The following TM4SF5 variants were observed in gnomAD, a reference collection of about 807,000 sequenced individuals.
The protein encoded by TM4SF5 is transmembrane 4 L six family member 5, also known as transmembrane 4 L6 family member 5.
In TM4SF5, 16 loss-of-function variants were observed where a neutral mutation model predicts 22.3. The ratio of observed to expected loss-of-function variants is 0.72; its 90% CI spans 0.49 to 1.09. TM4SF5 has a LOEUF of 1.09. TM4SF5 is among the 50% of genes least tolerant of loss of function. The pLI is 0.00. For missense variants in TM4SF5, 249 were observed against 266.1 expected (o/e 0.94, Z 0.45); for synonymous variants, 113 against 109.6 (o/e 1.03, Z -0.19).
chr17:4,776,418 C>G (rs139420494), intron 1 of TM4SF5, among the ~76,000 whole-genome samples: 1 of 152,268 alleles, frequency 6.6e-6, no homozygotes, highest in Non-Finnish European at 1.5e-5. Flanking sequence ...TCTCCTGCCT[C>G]AGCCTCCTGA....
intron 2 of TM4SF5, among the ~76,000 whole-genome samples, chr17:4,781,906 TG>T (rs1917316489): frequency 6.6e-6 from 1 of 150,924 alleles, no homozygotes; most frequent in South Asian, 2.1e-4. Context: ...TCACTGGGGT[TG>T]TAGTTCCCCC....
intron 1 of TM4SF5, among the ~76,000 whole-genome samples, chr17:4,778,200 CAGG>C (rs748047743): frequency 3.9e-5 from 6 of 152,118 alleles, no homozygotes; most frequent in Non-Finnish European, 7.3e-5. Flanking sequence ...TGCCATGAGA[CAGG>C]AAGAAGAGAG....
rs573968159 is a variant in TM4SF5 at position 4,782,143 on chromosome 17, C to T, written c.259-360C>T. ...ACGGGGTCTGGCTCTGTCGCCCAGG[C>T]TGGAGTGCAGTGGTGCGATCTCGGC... On this transcript the variant is annotated intron_variant, in intron 2 of 4. Coordinates refer to ENST00000270560, the MANE Select transcript of TM4SF5 (RefSeq NM_003963.3). 3.5e-3 allele frequency among the ~76,000 whole-genome samples: 519 copies of T among 150,328 alleles called. 1 individual carries two copies. Among genetic ancestry groups the T allele is most frequent in the Non-Finnish European group, 6.2e-3 (422 of 67,798 alleles).
At position 4,783,110 on chromosome 17, in the gene TM4SF5, G is replaced by A. The variant is rs778375611; in HGVS notation, c.580-4G>A. 59 of 1,614,016 alleles carry A rather than the reference G, an allele frequency of 3.7e-5. No homozygotes were observed. The highest frequency in any genetic ancestry group is 4.6e-5 in the Non-Finnish European group (54 of 1,180,020). ...GCTGCGTTCTCACCTTCTCTTTTCC[G>A]CAGGACACACCTCACTGAGGCTCCA... On this transcript the variant is annotated splice_region_variant and splice_polypyrimidine_tract_variant and intron_variant, in intron 4 of 4. Coordinates refer to ENST00000270560, the MANE Select transcript of TM4SF5 (RefSeq NM_003963.3).
chr17:4,779,321 C>T (rs561420029), intron 1 of TM4SF5, among the ~76,000 whole-genome samples: 1 of 151,910 alleles, frequency 6.6e-6, no homozygotes, highest in African/African-American at 2.4e-5. Context: ...ACCAGCTACT[C>T]AGGAGGCTGA....
At chr17:4,772,137 G>T (rs1363209771) in intron 1 of TM4SF5, 38 bp downstream of exon 1, 1 of 1,612,290 alleles carries the variant, frequency 6.2e-7, no homozygotes, top group Admixed American at 1.7e-5. Flanking sequence ...CCAGCTGGCT[G>T]GGTGCCACCT....
chr17:4,774,970 A>G (rs1198114889), intron 1 of TM4SF5, among the ~76,000 whole-genome samples: 2 of 152,224 alleles, frequency 1.3e-5, no homozygotes, highest in African/African-American at 2.4e-5. Context: ...GGCAAAGCAG[A>G]TGCCACTTTT....
rs760268553 is a variant in TM4SF5, at chr17:4,780,826, G to A, written c.215G>A (p.Gly72Asp). The change falls in exon 2 of 5, where the codon GGC (glycine) becomes GAC (aspartate). Residue 72 changes from glycine (G) to aspartate (D), a missense_variant. Physicochemically the swap from Gly to Asp is moderately conservative, Grantham distance 94. Transcript: ENST00000270560. ...CPGIAAVRAG[G>D]KGCCGAGCCG... Reference sequence around the variant, plus strand: ...GGGATTGCAGCCGTTCGGGCAGGGGGCAAGGGCTGCTGTGGTGCTGGGTGC... The same window carrying A: ...GGGATTGCAGCCGTTCGGGCAGGGGACAAGGGCTGCTGTGGTGCTGGGTGC... 2.5e-6 allele frequency: 4 copies of A among 1,610,364 alleles called. No individual in the cohort carries two copies. The highest frequency in any genetic ancestry group is 2.2e-5 in the South Asian group (2 of 90,128).
intron 1 of TM4SF5, among the ~76,000 whole-genome samples, chr17:4,772,410 G>A (rs571597033): frequency 1.6e-4 from 24 of 152,320 alleles, no homozygotes; most frequent in Admixed American, 5.9e-4. Flanking sequence ...CACTACAATG[G>A]TCGAGGCAGA....
chr17:4,781,083 G>A (rs1917297599), intron 2 of TM4SF5, among the ~76,000 whole-genome samples: 1 of 151,162 alleles, frequency 6.6e-6, no homozygotes. Context: ...GGGAGGCTGA[G>A]GTGGGAGGGC....
chr17:4,780,196 T>C (rs750901640), intron 1 of TM4SF5, among the ~76,000 whole-genome samples: 5 of 151,826 alleles, frequency 3.3e-5, no homozygotes, highest in Non-Finnish European at 7.4e-5. Flanking sequence ...GCTGAGATTA[T>C]AGGCATGCGC....
Position 4,783,211 on chromosome 17 carries a change from C to A in TM4SF5, c.*83C>A. The A allele has an allele frequency of 1.9e-6, 3 of 1,590,380 alleles. No homozygotes were observed. The highest frequency in any genetic ancestry group is 2.6e-6 in the Non-Finnish European group (3 of 1,162,212). ...GCTAGAATAAACTGCTTTGCGCTCTCTTCTCTGTCTGAGATTGTGCCTTCT... is the reference window on the plus strand; with the variant it reads ...GCTAGAATAAACTGCTTTGCGCTCTATTCTCTGTCTGAGATTGTGCCTTCT... On this transcript the variant is annotated 3_prime_UTR_variant, in exon 5 of 5. Coordinates refer to ENST00000270560, the MANE Select transcript of TM4SF5 (RefSeq NM_003963.3).
intron 2 of TM4SF5, 98 bp downstream of exon 2, chr17:4,780,967 C>A: frequency 1.9e-6 from 2 of 1,033,014 alleles, no homozygotes; most frequent in Non-Finnish European, 2.9e-6. Flanking sequence ...ACGGCTTGAG[C>A]CAGGAGTTCT....
Position 4,772,106 on chromosome 17 carries a change from A to C in TM4SF5, c.177+7A>C, listed in dbSNP as rs150090629. 9.2e-4 allele frequency: 1,487 copies of C among 1,614,142 alleles called. 15 individuals carry two copies. The African/African-American group carries it at 0.017, about 18-fold the overall frequency. ...CATTGGCGGGGGCCTAATGGTGAGA[A>C]GGCTGGCAGGGGAGCCCGGGCCAGC... On this transcript the variant is annotated splice_region_variant and intron_variant, in intron 1 of 4. Transcript: ENST00000270560.
intron 1 of TM4SF5, among the ~76,000 whole-genome samples, chr17:4,772,711 G>GTTTTTTTTTTTTTTT (rs1339883711): frequency 7.1e-6 from 1 of 141,248 alleles, no homozygotes; most frequent in African/African-American, 2.8e-5. Context: ...TTTTGTGTTT[G>GTTTTTTTTTTTTTTT]TTTTTTGTTT....
chr17:4,774,375 A>G (rs1212247409), intron 1 of TM4SF5, among the ~76,000 whole-genome samples: 4 of 152,098 alleles, frequency 2.6e-5, no homozygotes, highest in African/African-American at 9.7e-5. Context: ...GTTGGCCACT[A>G]TGTACCCAGT....
At chr17:4,774,454 G>T (rs954168475) in intron 1 of TM4SF5, among the ~76,000 whole-genome samples, 3 of 151,368 alleles carry the variant, frequency 2.0e-5, no homozygotes, top group Non-Finnish European at 4.4e-5. Flanking sequence ...TGTGCCTGTA[G>T]TCCTAGTTTG....
At chr17:4,776,199 T>C (rs1478716335) in intron 1 of TM4SF5, among the ~76,000 whole-genome samples, 1 of 152,182 alleles carries the variant, frequency 6.6e-6, no homozygotes, top group East Asian at 1.9e-4. Context: ...CCACCCATAT[T>C]ATCAGGTGTA....
intron 1 of TM4SF5, among the ~76,000 whole-genome samples, chr17:4,774,286 C>T (rs1358058083): frequency 6.6e-6 from 1 of 152,066 alleles, no homozygotes; most frequent in Non-Finnish European, 1.5e-5. Flanking sequence ...CTCCCTGAAG[C>T]TTGTGTTCCC....
Sources: allele counts gnomAD v4.1 joint callset (sites outside exome capture counted in the v4.1 genomes callset), GRCh38; gene constraint gnomAD v4.1.1; transcripts MANE v1.5; gene names NCBI Gene and HGNC (gene_info 2026-07-23, HGNC 2026-07-21).